The following METTL24 variants were observed in gnomAD, a reference collection of about 807,000 sequenced individuals.
METTL24 encodes the protein probable methyltransferase-like protein 24.
METTL24 carries 29 observed loss-of-function variants against 32.7 expected under a neutral mutation model. The observed-to-expected ratio is 0.89, with a 90% CI of 0.66 to 1.21. METTL24 has a LOEUF of 1.21. Ranked by LOEUF, METTL24 falls within the 50% of genes most tolerant of loss-of-function variation. METTL24 has a pLI of 0.00. For missense variants in METTL24, 439 were observed against 468.1 expected, an observed-to-expected ratio of 0.94 and a Z score of 0.57; for synonymous variants, 163 against 179.5, an observed-to-expected ratio of 0.91 and a Z score of 0.73.
intron 4 of METTL24, among the ~76,000 whole-genome samples, chr6:110,293,123 A>G (rs1248726562): frequency 1.4e-5 from 2 of 145,928 alleles, no homozygotes; most frequent in African/African-American, 2.4e-5. Context: ...TTTAGTTCTG[A>G]AAAAAAAATC....
At chr6:110,252,666 T>G (rs2114692253) in intron 4 of METTL24, among the ~76,000 whole-genome samples, 1 of 152,350 alleles carries the variant, frequency 6.6e-6, no homozygotes, top group Admixed American at 6.5e-5. Flanking sequence ...AGTTAATGGC[T>G]AACTCTGGTT....
intron 1 of METTL24, among the ~76,000 whole-genome samples, chr6:110,328,014 G>A (rs1772045957): frequency 6.6e-6 from 1 of 152,214 alleles, no homozygotes; most frequent in African/African-American, 2.4e-5. Flanking sequence ...CTTAAGCAGA[G>A]GTGGCTGGAA....
At chr6:110,249,970 C>T (rs917649993) in intron 4 of METTL24, among the ~76,000 whole-genome samples, 7 of 151,940 alleles carry the variant, frequency 4.6e-5, no homozygotes, top group Non-Finnish European at 1.0e-4. Context: ...CTTTCACAAA[C>T]CTTTTGAAGA....
intron 1 of METTL24, among the ~76,000 whole-genome samples, chr6:110,348,069 G>A (rs551141997): frequency 2.4e-4 from 36 of 152,280 alleles, no homozygotes; most frequent in Non-Finnish European, 4.4e-4. Context: ...TACATTTTTG[G>A]TACTTACAGG....
chr6:110,342,254 T>C (rs1378290447), intron 1 of METTL24, among the ~76,000 whole-genome samples: 1 of 152,196 alleles, frequency 6.6e-6, no homozygotes, highest in Admixed American at 6.5e-5. Flanking sequence ...GGGCTGTGTG[T>C]ATCTGATTCT....
chr6:110,295,746 C>A (rs1771400350), intron 4 of METTL24, among the ~76,000 whole-genome samples: 1 of 145,790 alleles, frequency 6.9e-6, no homozygotes, highest in Non-Finnish European at 1.5e-5. Flanking sequence ...TTAGCAACTT[C>A]CAGAGAAATG....
chr6:110,267,047 T>TA (rs77608489), intron 4 of METTL24, among the ~76,000 whole-genome samples: 137 of 151,224 alleles, frequency 9.1e-4, no homozygotes, highest in East Asian at 3.5e-3. Context: ...GCTTTTTTTT[T>TA]AAAAAAAAAT....
At chr6:110,341,092 A>G (rs1371054511) in intron 1 of METTL24, among the ~76,000 whole-genome samples, 2 of 152,020 alleles carry the variant, frequency 1.3e-5, no homozygotes, top group Admixed American at 6.6e-5. Flanking sequence ...AAATATACAC[A>G]TATTTATTTT....
At chr6:110,269,842 A>C (rs2114707833) in intron 4 of METTL24, among the ~76,000 whole-genome samples, 1 of 152,318 alleles carries the variant, frequency 6.6e-6, no homozygotes, top group Non-Finnish European at 1.5e-5. Context: ...AGGTAGAAGA[A>C]GAGCATATAA....
intron 3 of METTL24, among the ~76,000 whole-genome samples, chr6:110,313,585 C>A (rs1347859250): frequency 6.6e-6 from 1 of 152,100 alleles, no homozygotes; most frequent in Non-Finnish European, 1.5e-5. Flanking sequence ...AATATAGAGG[C>A]AATTTGGAGC....
chr6:110,290,706 T>C (rs1771302692), intron 4 of METTL24, among the ~76,000 whole-genome samples: 1 of 152,206 alleles, frequency 6.6e-6, no homozygotes, highest in African/African-American at 2.4e-5. Context: ...TGTGCAGACA[T>C]ATGTTTTCAG....
intron 3 of METTL24, 124 bp from the exon 4 acceptor site, chr6:110,299,274 A>G (rs1771479318): frequency 1.3e-6 from 1 of 759,898 alleles, no homozygotes; most frequent in East Asian, 2.6e-5. Flanking sequence ...GTTTTAACCC[A>G]TGGCTAATGT....
intron 1 of METTL24, among the ~76,000 whole-genome samples, chr6:110,338,999 G>C (rs1455388593): frequency 2.0e-5 from 3 of 152,120 alleles, no homozygotes; most frequent in Non-Finnish European, 4.4e-5. Flanking sequence ...TAACCTCCTG[G>C]TCATAACTGT....
intron 4 of METTL24, among the ~76,000 whole-genome samples, chr6:110,283,925 C>T (rs571355427): frequency 2.6e-5 from 4 of 152,214 alleles, no homozygotes; most frequent in East Asian, 1.9e-4. Flanking sequence ...AAGCAACTCC[C>T]GTGTTTATTG....
intron 4 of METTL24, among the ~76,000 whole-genome samples, chr6:110,247,951 G>A (rs191339899): frequency 3.2e-4 from 49 of 152,264 alleles, no homozygotes; most frequent in African/African-American, 8.2e-4. Flanking sequence ...GGTGAGAGGT[G>A]TTTGGGTCAT....
chr6:110,352,721 C>T (rs62435950), intron 1 of METTL24, among the ~76,000 whole-genome samples: 10,541 of 151,918 alleles, frequency 0.069, 480 homozygotes, highest in Non-Finnish European at 0.099. Flanking sequence ...GTGTGTCCCA[C>T]GGTAAGTAAA....
intron 2 of METTL24, among the ~76,000 whole-genome samples, chr6:110,315,862 G>A (rs1432370329): frequency 6.6e-6 from 1 of 152,196 alleles, no homozygotes; most frequent in Non-Finnish European, 1.5e-5. Flanking sequence ...AAGAAGGGCA[G>A]TCCAGACACA....
rs139410571 is a variant in METTL24 at position 110,314,356 on chromosome 6, T to C, written c.557+986A>G. 5.9e-5 allele frequency among the ~76,000 whole-genome samples: 9 copies of C among 152,262 alleles called. No homozygotes were observed. In the East Asian group the frequency reaches 1.7e-3, roughly 29 times the overall value. ...CCTGTCTTCTTTTTTTTAAGCCATA[T>C]ATCATTCGTAAGTTCAGAACTGTTT... is the stretch of plus-strand genomic sequence containing the variant. On this transcript the variant is annotated intron_variant, in intron 3 of 4. Coordinates refer to ENST00000338882, the MANE Select transcript of METTL24 (RefSeq NM_001123364.3).
At chr6:110,284,998 T>C (rs1771195672) in intron 4 of METTL24, among the ~76,000 whole-genome samples, 1 of 152,252 alleles carries the variant, frequency 6.6e-6, no homozygotes, top group Non-Finnish European at 1.5e-5. Flanking sequence ...GTTATGAAGC[T>C]GCATCATGTA....
Sources: allele counts gnomAD v4.1 joint callset (sites outside exome capture counted in the v4.1 genomes callset), GRCh38; gene constraint gnomAD v4.1.1; transcripts MANE v1.5; gene names NCBI Gene and HGNC (gene_info 2026-07-23, HGNC 2026-07-21).